Variants in PCDHA8 observed in about 807,000 individuals in gnomAD.
PCDHA8 encodes the protein protocadherin alpha-8.
In PCDHA8, 53 loss-of-function variants were observed where a neutral mutation model predicts 61.8. The observed-to-expected ratio is 0.86, with a 90% confidence interval of 0.69 to 1.08. The LOEUF is 1.08. Among genes scored for constraint, PCDHA8 ranks in the 50% least tolerant of loss-of-function variants. PCDHA8 has a pLI of 0.00. For synonymous variants in PCDHA8, 618 were observed against 556.6 expected (o/e 1.11, Z -1.55); for missense variants, 1,293 against 1,245.0 (o/e 1.04, Z -0.58).
intron 3 of PCDHA8, among the ~76,000 whole-genome samples, chr5:140,992,190 A>C (rs1452489619): frequency 1.3e-5 from 2 of 152,134 alleles, no homozygotes; most frequent in African/African-American, 2.4e-5. Flanking sequence ...GCTTTCAGTG[A>C]TCTATCCAAT....
intron 1 of PCDHA8, among the ~76,000 whole-genome samples, chr5:140,943,763 G>T (rs2093562574): frequency 6.6e-6 from 1 of 152,122 alleles, no homozygotes; most frequent in Admixed American, 6.5e-5. Context: ...GGAGATGTAG[G>T]AAAAAAACTA....
intron 1 of PCDHA8, among the ~76,000 whole-genome samples, chr5:140,951,543 C>A (rs246041): frequency 1.3e-5 from 2 of 151,428 alleles, no homozygotes; most frequent in South Asian, 2.1e-4. Flanking sequence ...GAGCAAGGGA[C>A]GGGGGGAAGT....
chr5:140,875,810 C>T, intron 1 of PCDHA8: 1 of 1,614,106 alleles, frequency 6.2e-7, no homozygotes, highest in Non-Finnish European at 8.5e-7. Context: ...GTGGACAGGC[C>T]GCTGCAGGTT....
At chr5:140,890,634 T>A (rs986470825) in intron 1 of PCDHA8, among the ~76,000 whole-genome samples, 3 of 152,204 alleles carry the variant, frequency 2.0e-5, no homozygotes, top group African/African-American at 7.2e-5. Context: ...TAAGCATGTA[T>A]CCTTGATATA....
chr5:141,005,489 G>A (rs1336877426), intron 3 of PCDHA8, among the ~76,000 whole-genome samples: 3 of 151,788 alleles, frequency 2.0e-5, no homozygotes, highest in Non-Finnish European at 4.4e-5. Context: ...GGATCATGAG[G>A]TCAGGAGATC....
intron 1 of PCDHA8, chr5:140,967,445 C>T (rs782571799): frequency 3.1e-6 from 5 of 1,613,550 alleles, no homozygotes; most frequent in Non-Finnish European, 4.2e-6. Flanking sequence ...CCACCTGGTT[C>T]TCACAGCCGT....
intron 1 of PCDHA8, among the ~76,000 whole-genome samples, chr5:140,942,323 T>C (rs1489572732): frequency 6.6e-6 from 1 of 151,970 alleles, no homozygotes; most frequent in Non-Finnish European, 1.5e-5. Flanking sequence ...GGCACAAGAA[T>C]CACTTGAACC....
intron 1 of PCDHA8, chr5:140,969,476 A>G: frequency 6.8e-7 from 1 of 1,473,576 alleles, no homozygotes; most frequent in Non-Finnish European, 9.0e-7. Context: ...CAATTTGATC[A>G]TAATCTGCTA....
At chr5:140,954,650 C>G (rs2095069221) in intron 1 of PCDHA8, among the ~76,000 whole-genome samples, 1 of 151,902 alleles carries the variant, frequency 6.6e-6, no homozygotes, top group Non-Finnish European at 1.5e-5. Context: ...TGTTTAAGTT[C>G]CTTGTAGACT....
At chr5:140,880,694 A>T (rs1254061280) in intron 1 of PCDHA8, among the ~76,000 whole-genome samples, 1 of 152,346 alleles carries the variant, frequency 6.6e-6, no homozygotes, top group South Asian at 2.1e-4. Context: ...AGTCATGGTT[A>T]AGTGACAATG....
At chr5:140,911,464 A>T (rs1300349898) in intron 1 of PCDHA8, among the ~76,000 whole-genome samples, 2 of 152,144 alleles carry the variant, frequency 1.3e-5, no homozygotes, top group African/African-American at 2.4e-5. Flanking sequence ...TCTACAGGAG[A>T]TAAGACTCTC....
At chr5:140,989,620 C>T (rs1197614071) in intron 3 of PCDHA8, among the ~76,000 whole-genome samples, 1 of 152,168 alleles carries the variant, frequency 6.6e-6, no homozygotes, top group African/African-American at 2.4e-5. Context: ...GAAAGTCTGT[C>T]CTAGTGACAG....
chr5:140,853,203 G>A lies in PCDHA8; in HGVS notation c.2394+9488G>A. The A allele has an allele frequency of 3.1e-6, 3 of 982,590 alleles. 1 individual carries two copies. 60.9% of individuals were successfully genotyped at this position (982,590 alleles called of 1,614,324 possible). A position where few individuals can be genotyped will look rare whatever the true frequency, so the allele number is the denominator to read the frequency against. The stretch of plus-strand genomic sequence containing the variant: ...CTAAAATGTGTTCTTTATTATTGAC[G>A]GCTGTATTGATGGGATTGGTAATTT... On this transcript the variant is annotated intron_variant, in intron 1 of 3. Coordinates refer to ENST00000531613, the MANE Select transcript of PCDHA8 (RefSeq NM_018911.3).
chr5:140,848,577 A>G (rs1178094933), intron 1 of PCDHA8: 1 of 1,595,244 alleles, frequency 6.3e-7, no homozygotes, highest in Non-Finnish European at 8.6e-7. Context: ...GGTGGTGGGG[A>G]GCGGCCAGCT....
chr5:140,949,550 G>A (rs1195934854), intron 1 of PCDHA8, among the ~76,000 whole-genome samples: 11 of 151,608 alleles, frequency 7.3e-5, no homozygotes, highest in Admixed American at 7.2e-4. Flanking sequence ...TTTGTTGCTG[G>A]TCATACTTTT....
At chr5:140,969,267 G>A in intron 1 of PCDHA8, 5 of 1,614,208 alleles carry the variant, frequency 3.1e-6, no homozygotes, top group South Asian at 2.2e-5. Flanking sequence ...AATCTCACAG[G>A]CCAAAGTGGT....
chr5:141,007,844 C>T (rs782712601), intron 3 of PCDHA8, among the ~76,000 whole-genome samples: 3 of 152,176 alleles, frequency 2.0e-5, no homozygotes, highest in Non-Finnish European at 4.4e-5. Context: ...ATTAGAGACT[C>T]AAAGTCCTTA....
chr5:140,876,898 A>G (rs2056678585), intron 1 of PCDHA8: 38 of 1,614,056 alleles, frequency 2.4e-5, no homozygotes, highest in Non-Finnish European at 3.1e-5. Flanking sequence ...CCACATCTTC[A>G]CGGTGTCGGC....
At chr5:140,887,829 G>A (rs2061597831) in intron 1 of PCDHA8, among the ~76,000 whole-genome samples, 1 of 151,932 alleles carries the variant, frequency 6.6e-6, no homozygotes, top group Non-Finnish European at 1.5e-5. Flanking sequence ...GCCTCATTTT[G>A]AATATCTTTT....
Sources: allele counts gnomAD v4.1 joint callset (sites outside exome capture counted in the v4.1 genomes callset), GRCh38; gene constraint gnomAD v4.1.1; transcripts MANE v1.5; gene names NCBI Gene and HGNC (gene_info 2026-07-23, HGNC 2026-07-21).